The following CXADR variants were observed in gnomAD, a reference collection of about 807,000 sequenced individuals.
CXADR encodes CXADR cell adhesion molecule.
CXADR carries 20 observed loss-of-function variants against 40.3 expected under a neutral mutation model. The ratio of observed to expected loss-of-function variants is 0.50; its 90% CI spans 0.35 to 0.72. The LOEUF (loss-of-function observed/expected upper bound fraction) is 0.72. Ranked by LOEUF, CXADR falls within the 30% of genes least tolerant of loss-of-function variation. CXADR has a pLI of 0.01. For synonymous variants in CXADR, 150 were observed against 161.3 expected (o/e 0.93, Z 0.53); for missense variants, 332 against 449.1 (o/e 0.74, Z 2.36).
downstream of CXADR, among the ~76,000 whole-genome samples, chr21:17,572,578 A>G (rs549571100): frequency 6.6e-6 from 1 of 152,280 alleles, no homozygotes; most frequent in Non-Finnish European, 1.5e-5. Context: ...CCCGCTGAAT[A>G]GGTCTAGGGT....
chr21:17,538,341 G>T (rs77518777), intron 1 of CXADR, among the ~76,000 whole-genome samples: 1,953 of 152,248 alleles, frequency 0.013, 34 homozygotes, highest in East Asian at 0.038. Flanking sequence ...AGTGAGGCGA[G>T]ATGATGATGG....
intron 1 of CXADR, among the ~76,000 whole-genome samples, chr21:17,540,926 A>T (rs530235647): frequency 3.9e-5 from 6 of 152,178 alleles, no homozygotes; most frequent in Non-Finnish European, 7.3e-5. Flanking sequence ...TTAATTATAA[A>T]TATGGTTGTG....
chr21:17,536,161 T>C (rs939806269), intron 1 of CXADR, among the ~76,000 whole-genome samples: 4 of 152,246 alleles, frequency 2.6e-5, no homozygotes, highest in African/African-American at 9.6e-5. Flanking sequence ...AGATAACAGC[T>C]CTTTTCGTCT....
At position 17,554,254 on chromosome 21, in the gene CXADR, C is replaced by A. The variant is rs1039639187; in HGVS notation, c.415+2301C>A. 2.0e-5 allele frequency among the ~76,000 whole-genome samples: 3 copies of A among 146,900 alleles called. No homozygotes were observed. The Admixed American group carries it at 2.1e-4, about 10-fold the overall frequency. On this transcript the variant is annotated intron_variant, in intron 3 of 6. Transcript: ENST00000284878. ...TTCTCAACTGAAGAGAACATTACAG[C>A]AGAACATGTCCCAAAAAGGAACCTG...
intron 7 of CXADR, among the ~76,000 whole-genome samples, chr21:17,590,398 T>C (rs2061426675): frequency 6.6e-6 from 1 of 152,092 alleles, no homozygotes; most frequent in South Asian, 2.1e-4. Context: ...TTTGTCCTTA[T>C]GTTACCCTTA....
chr21:17,522,352 TAGTC>T (rs1184265131), intron 1 of CXADR, among the ~76,000 whole-genome samples: 1 of 152,076 alleles, frequency 6.6e-6, no homozygotes, highest in Non-Finnish European at 1.5e-5. Context: ...TTCTCCATGT[TAGTC>T]AGGCTGGTTG....
chr21:17,589,797 G>A (rs532054836), intron 7 of CXADR, among the ~76,000 whole-genome samples: 1 of 152,078 alleles, frequency 6.6e-6, no homozygotes, highest in Admixed American at 6.6e-5. Flanking sequence ...CTAGAAGTAC[G>A]TACAATTGCT....
Position 17,530,301 on chromosome 21 carries a change from A to G in CXADR, c.44-16726A>G, listed in dbSNP as rs1468989730. ...TTTTTCCACTCTTTTCTGATTTCTA[A>G]CAATGTAGATTAGTGTTAACATTTT... is the stretch of plus-strand genomic sequence containing the variant. On this transcript the variant is annotated intron_variant, in intron 1 of 6. Coordinates refer to ENST00000284878, the MANE Select transcript of CXADR (RefSeq NM_001338.5). 3.6e-5 allele frequency: 14 copies of G among 385,330 alleles called. No homozygotes were observed. In the East Asian group the frequency reaches 1.1e-3, roughly 31 times the overall value. 23.9% of individuals were successfully genotyped at this position (385,330 alleles called of 1,614,324 possible).
chr21:17,519,021 G>A (rs1266698779), intron 1 of CXADR: 1 of 1,541,366 alleles, frequency 6.5e-7, no homozygotes, highest in Non-Finnish European at 9.0e-7. Flanking sequence ...AGCAGGGAGG[G>A]TCCTCCAGCA....
intron 1 of CXADR, among the ~76,000 whole-genome samples, chr21:17,529,294 G>A (rs979103424): frequency 6.6e-6 from 1 of 151,650 alleles, no homozygotes; most frequent in Non-Finnish European, 1.5e-5. Flanking sequence ...GCCTTCCAAA[G>A]TGCTGGGATT....
chr21:17,541,730 T>A (rs1352608513), intron 1 of CXADR, among the ~76,000 whole-genome samples: 2 of 151,960 alleles, frequency 1.3e-5, no homozygotes, highest in Non-Finnish European at 2.9e-5. Flanking sequence ...TTAAGTTTAC[T>A]CCATGTCTTT....
rs768913442 is a variant in CXADR, at chr21:17,565,552, C to T, written c.958C>T (p.Gln320Ter). The T allele has an allele frequency of 1.2e-6, 2 of 1,613,802 alleles. No homozygotes were observed. The highest frequency in any genetic ancestry group is 1.7e-6 in the Non-Finnish European group (2 of 1,179,840). ...MEGYSKTQYN[Q>*]VPSEDFERTP... Reference sequence around the variant, plus strand: ...AGGATATTCCAAGACTCAGTATAACCAAGTACCAAGTGAAGACTTTGAACG... The same window carrying T: ...AGGATATTCCAAGACTCAGTATAACTAAGTACCAAGTGAAGACTTTGAACG... The change falls in exon 7 of 7, where the codon CAA becomes TAA. Residue 320 changes from glutamine (Q) to a stop codon, truncating the protein, a stop_gained. Transcript: ENST00000284878. LOFTEE classifies it high-confidence loss of function.
downstream of CXADR, chr21:17,594,327 T>C: frequency 6.2e-7 from 1 of 1,612,700 alleles, no homozygotes; most frequent in Non-Finnish European, 8.5e-7. Context: ...ATATAAGTTC[T>C]GAAATCTGTA....
chr21:17,574,779 G>C (rs2061306652), downstream of CXADR, among the ~76,000 whole-genome samples: 1 of 152,116 alleles, frequency 6.6e-6, no homozygotes, highest in Admixed American at 6.6e-5. Context: ...AATCAGTTTT[G>C]AACATGTTGA....
chr21:17,527,954 T>C (rs1047420315), intron 1 of CXADR, among the ~76,000 whole-genome samples: 2 of 151,952 alleles, frequency 1.3e-5, no homozygotes, highest in Non-Finnish European at 2.9e-5. Context: ...ATTTACGTTT[T>C]ACAATGCACT....
the CXADR span, among the ~76,000 whole-genome samples, chr21:17,611,144 C>T: frequency 5.9e-5 from 9 of 152,210 alleles, no homozygotes; most frequent in African/African-American, 9.6e-5. Context: ...AAGCCATTTC[C>T]ACTTTGTAAA....
At chr21:17,557,426 C>A (rs2249100) in intron 3 of CXADR, among the ~76,000 whole-genome samples, 96,456 of 151,978 alleles carry the variant, frequency 0.63, 31,032 homozygotes, top group East Asian at 0.76. Flanking sequence ...TACTTCCTTA[C>A]AACCTCCTGA....
intron 7 of CXADR, among the ~76,000 whole-genome samples, chr21:17,588,623 CT>C (rs779796962): frequency 2.6e-5 from 4 of 152,096 alleles, no homozygotes; most frequent in Non-Finnish European, 5.9e-5. Flanking sequence ...CACCAAACTT[CT>C]GTATATAAAT....
chr21:17,599,559 T>C, the CXADR span, among the ~76,000 whole-genome samples: 78,664 of 149,846 alleles, frequency 0.52, 22,923 homozygotes, highest in African/African-American at 0.8. Flanking sequence ...CCCACTACAA[T>C]CTCCACCTCC....
Sources: allele counts gnomAD v4.1 joint callset (sites outside exome capture counted in the v4.1 genomes callset), GRCh38; gene constraint gnomAD v4.1.1; transcripts MANE v1.5; gene names NCBI Gene and HGNC (gene_info 2026-07-23, HGNC 2026-07-21).